The following RPS6KA2 variants were observed in gnomAD, a reference collection of about 807,000 sequenced individuals.
RPS6KA2 encodes the protein ribosomal protein S6 kinase alpha-2.
Under a neutral mutation model 91.8 loss-of-function variants are expected in RPS6KA2, and 42 were observed. The ratio of observed to expected loss-of-function variants is 0.46; its 90% CI spans 0.36 to 0.59. The LOEUF (loss-of-function observed/expected upper bound fraction) is 0.59, where lower values mean the gene tolerates loss of function less well. RPS6KA2 is among the 20% of genes least tolerant of loss of function. The pLI is 0.00. For missense variants in RPS6KA2, 798 were observed against 978.5 expected, an observed-to-expected ratio of 0.82 and a Z score of 2.46; for synonymous variants, 414 against 393.6, an observed-to-expected ratio of 1.05 and a Z score of -0.61.
rs150247410 is a variant in RPS6KA2, at chr6:166,506,032, G to A, written c.460-1420C>T. On this transcript the variant is annotated intron_variant, in intron 5 of 20. Transcript: ENST00000265678. Reference sequence around the variant, plus strand: ...TCTCCATAGAAAGGGAACACCTCACGGTGTGAGTTCTGCAGGTTCACCGGC... The same window carrying A: ...TCTCCATAGAAAGGGAACACCTCACAGTGTGAGTTCTGCAGGTTCACCGGC... 5.1e-3 allele frequency among the ~76,000 whole-genome samples: 773 copies of A among 152,288 alleles called. 4 individuals carry two copies. Among genetic ancestry groups the A allele is most frequent in the Non-Finnish European group, 8.1e-3 (553 of 68,034 alleles).
intron 2 of RPS6KA2, among the ~76,000 whole-genome samples, chr6:166,676,805 T>C (rs534517500): frequency 6.6e-6 from 1 of 152,392 alleles, no homozygotes; most frequent in Admixed American, 6.5e-5. Flanking sequence ...TCTACATGTT[T>C]GTATGTATCC....
At chr6:166,470,992 C>T (rs980616559) in intron 10 of RPS6KA2, among the ~76,000 whole-genome samples, 1 of 152,212 alleles carries the variant, frequency 6.6e-6, no homozygotes, top group East Asian at 1.9e-4. Flanking sequence ...GCGGCGGTGG[C>T]TGGGGAATTC....
chr6:166,668,977 A>G (rs1394208452), intron 2 of RPS6KA2, among the ~76,000 whole-genome samples: 1 of 146,410 alleles, frequency 6.8e-6, no homozygotes, highest in African/African-American at 2.5e-5. Context: ...TGTAGCCTCG[A>G]CCTCCCAGGC....
At chr6:166,749,848 TCTC>T (rs961689342) in intron 2 of RPS6KA2, among the ~76,000 whole-genome samples, 15 of 147,424 alleles carry the variant, frequency 1.0e-4, no homozygotes, top group South Asian at 2.2e-4. Context: ...GAGCCTGGCC[TCTC>T]CTCCTCCTCC....
intron 14 of RPS6KA2, among the ~76,000 whole-genome samples, chr6:166,439,175 T>G (rs2128449649): frequency 6.6e-6 from 1 of 152,324 alleles, no homozygotes; most frequent in Admixed American, 6.5e-5. Context: ...TGGCACAATC[T>G]CGGCTCACTG....
chr6:166,564,783 T>C (rs895015872), intron 1 of RPS6KA2, among the ~76,000 whole-genome samples: 1 of 152,150 alleles, frequency 6.6e-6, no homozygotes, highest in African/African-American at 2.4e-5. Flanking sequence ...GAGCCACGGA[T>C]CAAGGTCGAG....
intron 6 of RPS6KA2, 106 bp from the exon 7 acceptor site, chr6:166,501,030 T>G: frequency 9.8e-7 from 1 of 1,016,642 alleles, no homozygotes. Flanking sequence ...GCGGACGTTT[T>G]CAGGGAGCCC....
intron 2 of RPS6KA2, among the ~76,000 whole-genome samples, chr6:166,660,918 C>T (rs868249162): frequency 2.0e-5 from 3 of 152,042 alleles, no homozygotes; most frequent in Non-Finnish European, 2.9e-5. Context: ...GCTTAAAATG[C>T]GTTCCTGCAA....
At chr6:166,637,143 C>A (rs1343138490) in intron 2 of RPS6KA2, among the ~76,000 whole-genome samples, 1 of 152,134 alleles carries the variant, frequency 6.6e-6, no homozygotes. Flanking sequence ...TATGCTAGGA[C>A]CAGGTGGCTT....
In RPS6KA2 at chr6:166,694,992, T is replaced by G. The variant is rs528726249; in HGVS notation, c.124-156208A>C. 1.5e-4 allele frequency among the ~76,000 whole-genome samples: 23 copies of G among 152,348 alleles called. No individual in the cohort carries two copies. In the South Asian group the frequency reaches 4.8e-3, roughly 32 times the overall value. On this transcript the variant is annotated intron_variant, in intron 2 of 21. Coordinates refer to the RPS6KA2 transcript ENST00000503859. ...AAATAGATATTAATCACTTAGGCTA[T>G]GGGATCAGCTCTGGAAACACAGTGG...
At chr6:166,543,850 G>A (rs1562568935) in intron 1 of RPS6KA2, among the ~76,000 whole-genome samples, 1 of 146,358 alleles carries the variant, frequency 6.8e-6, no homozygotes, top group Non-Finnish European at 1.5e-5. Flanking sequence ...TGTACATGTG[G>A]AATGCACATA....
chr6:166,840,654 G>T (rs945264673), intron 2 of RPS6KA2, among the ~76,000 whole-genome samples: 1 of 152,160 alleles, frequency 6.6e-6, no homozygotes, highest in Non-Finnish European at 1.5e-5. Flanking sequence ...CACTAACCTT[G>T]AAATGTACCA....
At chr6:166,515,976 C>T (rs552489451) in intron 3 of RPS6KA2, among the ~76,000 whole-genome samples, 12 of 152,202 alleles carry the variant, frequency 7.9e-5, no homozygotes, top group Non-Finnish European at 1.5e-4. Flanking sequence ...ACCTTTGCTT[C>T]GAGTTGTCCA....
chr6:166,657,465 A>G (rs1444848871), intron 2 of RPS6KA2, among the ~76,000 whole-genome samples: 3 of 152,244 alleles, frequency 2.0e-5, no homozygotes, highest in Non-Finnish European at 4.4e-5. Flanking sequence ...TTATGATAAC[A>G]ACATTCCTTG....
chr6:166,789,185 T>A (rs1345261429), intron 2 of RPS6KA2, among the ~76,000 whole-genome samples: 1 of 152,148 alleles, frequency 6.6e-6, no homozygotes, highest in Non-Finnish European at 1.5e-5. Flanking sequence ...CCCACGGCCT[T>A]AAAAAACAGC....
At chr6:166,692,518 A>G (rs895200091) in intron 2 of RPS6KA2, among the ~76,000 whole-genome samples, 5 of 152,234 alleles carry the variant, frequency 3.3e-5, no homozygotes, top group Admixed American at 3.3e-4. Context: ...CCAAAGTTTA[A>G]AGATACATAG....
At chr6:166,581,101 G>C (rs1211878711) in intron 1 of RPS6KA2, among the ~76,000 whole-genome samples, 1 of 152,134 alleles carries the variant, frequency 6.6e-6, no homozygotes, top group Non-Finnish European at 1.5e-5. Context: ...GGTTTTGCCA[G>C]GCTGGTCTCG....
At chr6:166,687,141 C>T (rs545973385) in intron 2 of RPS6KA2, among the ~76,000 whole-genome samples, 32 of 152,362 alleles carry the variant, frequency 2.1e-4, no homozygotes, top group East Asian at 1.2e-3. Flanking sequence ...ACTGCCTCCA[C>T]GGTCTCTGTG....
At chr6:166,730,168 A>T (rs1790467508) in intron 2 of RPS6KA2, among the ~76,000 whole-genome samples, 1 of 152,216 alleles carries the variant, frequency 6.6e-6, no homozygotes, top group Non-Finnish European at 1.5e-5. Flanking sequence ...CTGTTATTTT[A>T]CAGTGACTTG....
Sources: gnomAD v4.1 joint callset for allele counts (sites outside exome capture counted in the v4.1 genomes callset) on GRCh38, gnomAD v4.1.1 for gene constraint, MANE v1.5 for transcripts, NCBI Gene and HGNC (gene_info 2026-07-23, HGNC 2026-07-21) for gene names.